Variants in DNAH11 observed in about 807,000 individuals in gnomAD.
DNAH11 encodes the protein axonemal beta dynein heavy chain 11.
DNAH11 carries 442 observed loss-of-function variants against 526.0 expected under a neutral mutation model. The ratio of observed to expected loss-of-function variants is 0.84; its 90% confidence interval spans 0.78 to 0.91. The LOEUF (loss-of-function observed/expected upper bound fraction) is 0.91. Ranked by LOEUF, DNAH11 falls within the 40% of genes least tolerant of loss-of-function variation. The pLI, the probability that DNAH11 is intolerant of heterozygous loss-of-function variation, is 0.00. For synonymous variants in DNAH11, 2,461 were observed against 1,935.9 expected, an observed-to-expected ratio of 1.27 and a Z score of -7.12; for missense variants, 6,989 against 5,448.7, an observed-to-expected ratio of 1.28 and a Z score of -8.90.
intron 61 of DNAH11, among the ~76,000 whole-genome samples, chr7:21,793,903 T>G (rs1788589387): frequency 1.3e-5 from 2 of 152,216 alleles, no homozygotes; most frequent in African/African-American, 4.8e-5. Context: ...CTCCAGTGAC[T>G]GTTAGATGTG....
rs753634502 is a variant in DNAH11 at position 21,543,397 on chromosome 7, G to C, written c.152G>C (p.Arg51Pro). The part of the protein sequence containing the change: ...NEEEAAARRA[R>P]SFAQDARVRF... ...GAGGAGGCGGCGGCCAGGAGAGCGC[G>C]GAGTTTCGCCCAAGACGCGCGGGTG... The change falls in exon 1 of 82, where the codon CGG (arginine) becomes CCG (proline). Residue 51 changes from arginine (R) to proline (P), a missense_variant. Arg to Pro is a moderately radical substitution (Grantham distance 103, BLOSUM62 -2). Coordinates refer to ENST00000409508, the MANE Select transcript of DNAH11 (RefSeq NM_001277115.2). 1.2e-5 allele frequency: 18 copies of C among 1,552,780 alleles called. No homozygotes were observed. Among genetic ancestry groups the C allele is most frequent in the African/African-American group, 1.4e-5 (1 of 73,184 alleles).
intron 47 of DNAH11, 150 bp downstream of exon 47, chr7:21,739,016 G>T: frequency 3.7e-6 from 3 of 821,024 alleles, no homozygotes; most frequent in Non-Finnish European, 5.3e-6. Flanking sequence ...TTCTTCTAAG[G>T]AATATCTTTT....
At chr7:21,568,790 T>C (rs2128435607) in intron 6 of DNAH11, among the ~76,000 whole-genome samples, 1 of 151,986 alleles carries the variant, frequency 6.6e-6, no homozygotes, top group East Asian at 1.9e-4. Context: ...AAAGATGGAG[T>C]CGTTTGCCAT....
intron 5 of DNAH11, among the ~76,000 whole-genome samples, chr7:21,563,940 A>T (rs909964396): frequency 1.3e-5 from 2 of 152,114 alleles, no homozygotes; most frequent in Non-Finnish European, 2.9e-5. Flanking sequence ...TTTCCATCAC[A>T]ATTTATTTAT....
intron 57 of DNAH11, among the ~76,000 whole-genome samples, chr7:21,783,000 A>C (rs536934126): frequency 8.7e-6 from 1 of 114,634 alleles, no homozygotes; most frequent in African/African-American, 3.2e-5. Flanking sequence ...CCTGATTCCA[A>C]TTTAAAATGA....
At chr7:21,890,269 C>T (rs1583816348) in intron 76 of DNAH11, among the ~76,000 whole-genome samples, 2 of 152,188 alleles carry the variant, frequency 1.3e-5, no homozygotes, top group Admixed American at 6.5e-5. Context: ...TTTGAGTTGG[C>T]TGTTTTCTTT....
At chr7:21,899,198 C>T in intron 79 of DNAH11, 138 bp from the exon 80 acceptor site, 1 of 694,072 alleles carries the variant, frequency 1.4e-6, no homozygotes, top group Non-Finnish European at 2.6e-6. Flanking sequence ...TGCAAATTGT[C>T]AGGGAAGGAT....
At chr7:21,567,273 C>T (rs1373936372) in intron 6 of DNAH11, among the ~76,000 whole-genome samples, 1 of 152,020 alleles carries the variant, frequency 6.6e-6, no homozygotes, top group African/African-American at 2.4e-5. Flanking sequence ...TGTGTGATTA[C>T]ACATTTTATG....
In DNAH11 at chr7:21,900,073, G is replaced by C. The variant is rs1554294137; in HGVS notation, c.13256G>C (p.Gly4419Ala). The change falls in exon 81 of 82, where the codon GGA becomes GCA. Residue 4419 changes from glycine (G) to alanine (A), a missense_variant. Gly to Ala is a moderately conservative substitution (Grantham distance 60, BLOSUM62 0). Transcript: ENST00000409508. ...ACCAAAAAAACAAAGGAAGATTATG[G>C]ACACCCGCCAAGGGAAGGTGCATAC... ...DVTKKTKEDY[G>A]HPPREGAYLH... The C allele has an allele frequency of 6.2e-7, 1 of 1,613,810 alleles. No individual in the cohort carries two copies. The highest frequency in any genetic ancestry group is 1.7e-5 in the Admixed American group (1 of 60,004).
rs1402009513 is a variant in DNAH11, at chr7:21,799,243, C to G, written c.10027-1894C>G. ...GCATCCAAATATCAACCCAAGGAGT[C>G]TGATACCAGAGCCTTCGTGTGCTTC... is the stretch of plus-strand genomic sequence containing the variant. On this transcript the variant is annotated intron_variant, in intron 61 of 81. Coordinates refer to ENST00000409508, the MANE Select transcript of DNAH11 (RefSeq NM_001277115.2). Among the ~76,000 whole-genome samples the G allele has an allele frequency of 2.0e-5, 3 of 152,162 alleles. No homozygotes were observed. The South Asian group carries it at 6.2e-4, about 31-fold the overall frequency.
chr7:21,600,530 A>G lies in DNAH11; in HGVS notation c.3001-146A>G, dbSNP rs1583516857. On this transcript the variant is annotated intron_variant, in intron 15 of 81. Coordinates refer to ENST00000409508, the MANE Select transcript of DNAH11 (RefSeq NM_001277115.2). Reference sequence around the variant, plus strand: ...AATTAGGAAAATGGGAAGCACAGGGAAAAGAGAAGTTGGAAAAAGCAACAT... The same window carrying G: ...AATTAGGAAAATGGGAAGCACAGGGGAAAGAGAAGTTGGAAAAAGCAACAT... 4 of 974,538 alleles carry G rather than the reference A, an allele frequency of 4.1e-6. No homozygotes were observed. The East Asian group carries it at 1.0e-4, about 25-fold the overall frequency. The allele number at this position is 974,538 out of a possible 1,614,324, so 60.4% of individuals were successfully genotyped here. A position where few individuals can be genotyped will look rare whatever the true frequency, so the allele number is the denominator to read the frequency against.
At chr7:21,875,390 A>G (rs998545402) in intron 74 of DNAH11, among the ~76,000 whole-genome samples, 2 of 152,118 alleles carry the variant, frequency 1.3e-5, no homozygotes, top group African/African-American at 4.8e-5. Flanking sequence ...CTTCAGCCCA[A>G]TTATCCTTCA....
chr7:21,743,851 C>T (rs745920448), intron 49 of DNAH11, among the ~76,000 whole-genome samples: 1 of 152,180 alleles, frequency 6.6e-6, no homozygotes, highest in Non-Finnish European at 1.5e-5. Flanking sequence ...GCTCAGTTCT[C>T]CACAACTCCC....
chr7:21,880,115 AAAGGG>A (rs1025634637), intron 74 of DNAH11, among the ~76,000 whole-genome samples: 1 of 151,954 alleles, frequency 6.6e-6, no homozygotes, highest in African/African-American at 2.4e-5. Context: ...AGAAAGAAAA[AAAGGG>A]AAGAGTGACA....
intron 15 of DNAH11, among the ~76,000 whole-genome samples, chr7:21,600,443 AC>A (rs1240694968): frequency 6.6e-6 from 1 of 151,490 alleles, no homozygotes; most frequent in Non-Finnish European, 1.5e-5. Flanking sequence ...GAGTGACAAA[AC>A]CCTGTCTCAA....
intron 30 of DNAH11, among the ~76,000 whole-genome samples, chr7:21,678,508 C>T (rs1782998329): frequency 1.3e-5 from 2 of 151,552 alleles, no homozygotes; most frequent in African/African-American, 4.8e-5. Flanking sequence ...CTTTGTTTTT[C>T]TTGCTTAAGA....
chr7:21,861,251 G>A (rs998392667), intron 68 of DNAH11, among the ~76,000 whole-genome samples: 1 of 152,190 alleles, frequency 6.6e-6, no homozygotes, highest in Non-Finnish European at 1.5e-5. Flanking sequence ...AGCTTTTCTT[G>A]TTCCTCTTTG....
intron 54 of DNAH11, among the ~76,000 whole-genome samples, chr7:21,754,633 G>A (rs1006310067): frequency 2.0e-5 from 3 of 151,852 alleles, no homozygotes; most frequent in African/African-American, 7.3e-5. Context: ...AAATGAGTAG[G>A]AAGTTGGTTT....
At chr7:21,729,319 C>T (rs1785271831) in intron 45 of DNAH11, among the ~76,000 whole-genome samples, 1 of 152,172 alleles carries the variant, frequency 6.6e-6, no homozygotes, top group East Asian at 1.9e-4. Context: ...CTATCCCTGG[C>T]TTCTTCTGAA....
Sources: allele counts gnomAD v4.1 joint callset (sites outside exome capture counted in the v4.1 genomes callset), GRCh38; gene constraint gnomAD v4.1.1; transcripts MANE v1.5; gene names NCBI Gene and HGNC (gene_info 2026-07-23, HGNC 2026-07-21).